The following DET1 variants were observed in gnomAD, a reference collection of about 807,000 sequenced individuals.
DET1 encodes DET1 partner of COP1 E3 ubiquitin ligase, also known as DET1 homolog.
In DET1, 22 loss-of-function variants were observed where a neutral mutation model predicts 43.7. That is an observed-to-expected ratio of 0.50 (90% CI 0.36 to 0.72). DET1 has a LOEUF of 0.72. Among genes scored for constraint, DET1 ranks in the 30% least tolerant of loss-of-function variants. The pLI is 0.00. For missense variants in DET1, 713 were observed against 713.3 expected (o/e 1.00, Z 0.00); for synonymous variants, 315 against 266.2 (o/e 1.18, Z -1.79).
chr15:88,511,198 T>C (rs550618516), downstream of DET1, among the ~76,000 whole-genome samples: 11 of 152,314 alleles, frequency 7.2e-5, no homozygotes, highest in East Asian at 7.7e-4. Context: ...CTGTTCTCCT[T>C]TGGATGACCA....
At position 88,527,600 on chromosome 15, in the gene DET1, G is replaced by T; in HGVS notation, c.1270C>A (p.Arg424=). The change falls in exon 3 of 5, where the codon CGG becomes AGG. Residue 424 remains arginine, a splice_region_variant and synonymous_variant. Transcript: ENST00000268148. ...GTTGAGTCTGGTGGAACAGCTTACC[G>T]GCGCTGGATCTGCCTTGCAAAATTG... is the stretch of plus-strand genomic sequence containing the variant. ...SNNFARQIQR[R]FKDTIINAKY... is the part of the protein sequence containing the mutation. The T allele has an allele frequency of 1.3e-6, 2 of 1,595,426 alleles. 1 individual carries two copies. Among genetic ancestry groups the T allele is most frequent in the South Asian group, 2.3e-5 (2 of 88,852 alleles).
downstream of DET1, among the ~76,000 whole-genome samples, chr15:88,510,329 C>T (rs1055960380): frequency 1.3e-5 from 2 of 152,208 alleles, no homozygotes; most frequent in Admixed American, 6.5e-5. Context: ...TAGGATCACA[C>T]ATGAATGAGC....
chr15:88,523,559 T>G (rs2056563291), intron 3 of DET1, among the ~76,000 whole-genome samples: 1 of 152,254 alleles, frequency 6.6e-6, no homozygotes, highest in African/African-American at 2.4e-5. Context: ...CCTGCCTCAG[T>G]CTACCGAGTG....
intron 1 of DET1, among the ~76,000 whole-genome samples, chr15:88,540,520 C>CG (rs1358200800): frequency 6.6e-6 from 1 of 151,818 alleles, no homozygotes; most frequent in Non-Finnish European, 1.5e-5. Flanking sequence ...TTGGAGCCCC[C>CG]TCCAATGTAT....
chr15:88,506,826 T>G (rs1005063943), intron 7 of DET1, among the ~76,000 whole-genome samples: 6 of 152,180 alleles, frequency 3.9e-5, no homozygotes, highest in Admixed American at 2.6e-4. Context: ...AGCTTGGCAC[T>G]GATAGCTGAC....
At chr15:88,525,545 C>A (rs1041075964) in intron 3 of DET1, among the ~76,000 whole-genome samples, 6 of 152,230 alleles carry the variant, frequency 3.9e-5, no homozygotes, top group Non-Finnish European at 7.3e-5. Context: ...AGGGCAGACA[C>A]TGGCCTTGGT....
At chr15:88,519,755 G>A (rs1045100661) in intron 3 of DET1, among the ~76,000 whole-genome samples, 26 of 151,976 alleles carry the variant, frequency 1.7e-4, no homozygotes, top group East Asian at 5.8e-4. Context: ...TTCCTATTCC[G>A]TGCCTGTACT....
chr15:88,523,492 C>T (rs932466348), intron 3 of DET1, among the ~76,000 whole-genome samples: 3 of 152,140 alleles, frequency 2.0e-5, no homozygotes, highest in Admixed American at 6.5e-5. Flanking sequence ...GATGCCAAGC[C>T]GAGGCTGAAC....
At chr15:88,538,049 C>T (rs1310441153) in intron 1 of DET1, among the ~76,000 whole-genome samples, 1 of 152,206 alleles carries the variant, frequency 6.6e-6, no homozygotes, top group African/African-American at 2.4e-5. Flanking sequence ...GCGGTATTTT[C>T]AGAGCCTAGC....
intron 1 of DET1, among the ~76,000 whole-genome samples, chr15:88,538,540 TGAGA>T (rs1255125259): frequency 6.6e-6 from 1 of 151,716 alleles, no homozygotes; most frequent in Non-Finnish European, 1.5e-5. Context: ...TCCTCAGGGC[TGAGA>T]GAATTTTGAG....
intron 1 of DET1, among the ~76,000 whole-genome samples, chr15:88,537,611 C>T (rs1388517583): frequency 6.6e-6 from 1 of 152,202 alleles, no homozygotes; most frequent in African/African-American, 2.4e-5. Context: ...AGATGAAGAT[C>T]TTACTTATGT....
chr15:88,528,409 G>A (rs1012894672), intron 2 of DET1, among the ~76,000 whole-genome samples: 1 of 152,214 alleles, frequency 6.6e-6, no homozygotes, highest in Non-Finnish European at 1.5e-5. Flanking sequence ...GGGTACTGCT[G>A]AACAAATGAA....
rs2056355874 is a variant in DET1 at position 88,516,787 on chromosome 15, T to G, written c.1458A>C (p.Pro486=). 6.3e-7 allele frequency: 1 copy of G among 1,576,322 alleles called. No individual in the cohort carries two copies. Among genetic ancestry groups the G allele is most frequent in the Non-Finnish European group, 8.6e-7 (1 of 1,165,650 alleles). The part of the protein sequence containing the change: ...MERPKTCGDH[P]IRFYARDSGL... ...CTATAGCAGTGACACTGTACCTGATTGGGTGATCTCCACAAGTCTTGGGCC... is the reference window on the plus strand; with the variant it reads ...CTATAGCAGTGACACTGTACCTGATGGGGTGATCTCCACAAGTCTTGGGCC... Residue 486 remains proline (P), a synonymous_variant, in exon 4 of 5, where the codon CCA becomes CCC. Transcript: ENST00000268148. The surrounding 1 kb of genome is among the most constrained non-coding windows in gnomAD (Gnocchi z 4.4).
downstream of DET1, among the ~76,000 whole-genome samples, chr15:88,509,410 T>C (rs561446284): frequency 6.6e-6 from 1 of 152,334 alleles, no homozygotes; most frequent in South Asian, 2.1e-4. Context: ...CTTACAATGT[T>C]GAAAGGATTG....
chr15:88,512,809 C>G lies in DET1; in HGVS notation c.*142G>C. 1 of 1,416,222 alleles carries G rather than the reference C, an allele frequency of 7.1e-7. No homozygotes were observed. The allele number at this position is 1,416,222 out of a possible 1,614,324, so 87.7% of individuals were successfully genotyped here. On this transcript the variant is annotated 3_prime_UTR_variant, in exon 5 of 5. Transcript: ENST00000268148. ...CCATTAGGTTGAGCCACCCTCACTC[C>G]TCTCTCTGGCTCTCTCCCATCTGAG...
rs114592843 is a variant in DET1, at chr15:88,522,075, T to A, written c.1272-5102A>T. ...GCTGTAGCACCTTATTATATAGTAT[T>A]TACACCATATAGATAAAATAGATGC... On this transcript the variant is annotated intron_variant, in intron 3 of 4. Transcript: ENST00000268148. Among the ~76,000 whole-genome samples, 830 of 152,270 alleles carry A rather than the reference T, an allele frequency of 5.5e-3. 10 individuals are homozygous for A. The highest frequency in any genetic ancestry group is 0.019 in the African/African-American group (785 of 41,558).
At chr15:88,519,794 A>G (rs2056441627) in intron 3 of DET1, among the ~76,000 whole-genome samples, 1 of 152,092 alleles carries the variant, frequency 6.6e-6, no homozygotes, top group South Asian at 2.1e-4. Context: ...CTGTAGAAAA[A>G]ACATACAATG....
At chr15:88,523,141 G>T (rs998786578) in intron 3 of DET1, among the ~76,000 whole-genome samples, 10 of 152,052 alleles carry the variant, frequency 6.6e-5, no homozygotes, top group Admixed American at 4.6e-4. Flanking sequence ...CTCCCAAAGT[G>T]CTGGGATAAA....
Position 88,512,834 on chromosome 15 carries a change from G to A in DET1, c.*117C>T. On this transcript the variant is annotated 3_prime_UTR_variant, in exon 5 of 5. Transcript: ENST00000268148. The stretch of plus-strand genomic sequence containing the variant: ...CTCTCTCTGGCTCTCTCCCATCTGA[G>A]GTATAGCAGGCTGGAACTAACAGAG... 6.8e-7 allele frequency: 1 copy of A among 1,477,192 alleles called. No individual in the cohort carries two copies. The highest frequency in any genetic ancestry group is 9.0e-7 in the Non-Finnish European group (1 of 1,112,738). The allele number at this position is 1,477,192 out of a possible 1,614,324, so 91.5% of individuals were successfully genotyped here.
Sources: allele counts gnomAD v4.1 joint callset (sites outside exome capture counted in the v4.1 genomes callset), GRCh38; gene constraint gnomAD v4.1.1; non-coding constraint Gnocchi (gnomAD v3.1); transcripts MANE v1.5; gene names NCBI Gene and HGNC (gene_info 2026-07-23, HGNC 2026-07-21).